EHBP1: variants seen among roughly 807,000 people sequenced by gnomAD.
EHBP1 encodes the protein EH domain-binding protein 1.
EHBP1 carries 55 observed loss-of-function variants against 144.0 expected under a neutral mutation model. The observed-to-expected ratio is 0.38, with a 90% confidence interval of 0.31 to 0.48. EHBP1 has a LOEUF of 0.48. EHBP1 is among the 20% of genes least tolerant of loss of function. The pLI, the probability that EHBP1 is intolerant of heterozygous loss-of-function variation, is 0.98. For synonymous variants in EHBP1, 469 were observed against 472.7 expected (o/e 0.99, Z 0.10); for missense variants, 1,200 against 1,364.2 (o/e 0.88, Z 1.90).
At chr2:62,891,765 C>T (rs1321189418) in intron 10 of EHBP1, among the ~76,000 whole-genome samples, 2 of 152,072 alleles carry the variant, frequency 1.3e-5, no homozygotes, top group Admixed American at 6.6e-5. Flanking sequence ...GAGGCCGTTT[C>T]ACTAGGTTTT....
intron 2 of EHBP1, among the ~76,000 whole-genome samples, chr2:62,734,713 T>A (rs1285479895): frequency 6.6e-6 from 1 of 152,182 alleles, no homozygotes; most frequent in East Asian, 1.9e-4. Flanking sequence ...CTTTGTTCTT[T>A]GTACCTTTTT....
At chr2:62,993,845 CAT>C (rs1219958100) in intron 17 of EHBP1, 24 bp from the exon 18 acceptor site, 8 of 1,493,166 alleles carry the variant, frequency 5.4e-6, no homozygotes, top group Non-Finnish European at 7.2e-6. Flanking sequence ...AATAATTTTA[CAT>C]GTCTTTCCTC....
chr2:63,028,684 T>G (rs961966282), intron 19 of EHBP1, among the ~76,000 whole-genome samples: 7 of 152,192 alleles, frequency 4.6e-5, no homozygotes, highest in Admixed American at 6.5e-5. Context: ...GGAACACATT[T>G]AAAACCTATC....
At chr2:62,884,263 C>A (rs2051725525) in intron 10 of EHBP1, among the ~76,000 whole-genome samples, 1 of 152,118 alleles carries the variant, frequency 6.6e-6, no homozygotes, top group Non-Finnish European at 1.5e-5. Flanking sequence ...AATTTTCAAA[C>A]CTTATACATG....
intron 3 of EHBP1, among the ~76,000 whole-genome samples, chr2:62,762,094 T>C (rs1252440581): frequency 6.6e-6 from 1 of 152,186 alleles, no homozygotes; most frequent in Non-Finnish European, 1.5e-5. Flanking sequence ...TCAGCCACTG[T>C]ACCTGGCCTT....
chr2:62,896,668 T>G (rs1327864041), intron 10 of EHBP1, among the ~76,000 whole-genome samples: 1 of 150,340 alleles, frequency 6.7e-6, no homozygotes, highest in Non-Finnish European at 1.5e-5. Flanking sequence ...ACAGATATAA[T>G]ATAGCCCATC....
rs142357794 is a variant in EHBP1, at chr2:62,866,465, A to G, written c.998+1494A>G. Among the ~76,000 whole-genome samples the G allele has an allele frequency of 3.7e-4, 56 of 152,374 alleles. 1 individual carries two copies. Among genetic ancestry groups the G allele is most frequent in the African/African-American group, 1.3e-3 (52 of 41,594 alleles). On this transcript the variant is annotated intron_variant, in intron 9 of 22. Coordinates refer to ENST00000431489, the MANE Select transcript of EHBP1 (RefSeq NM_001142616.3). Reference sequence around the variant, plus strand: ...ATGGGACAGATGATGGAATTAAAAGATCAACCTGGTAAAATAACTTTTATA... The same window carrying G: ...ATGGGACAGATGATGGAATTAAAAGGTCAACCTGGTAAAATAACTTTTATA...
chr2:62,996,290 T>C (rs988842639), intron 18 of EHBP1, among the ~76,000 whole-genome samples: 2 of 152,192 alleles, frequency 1.3e-5, no homozygotes, highest in African/African-American at 4.8e-5. Flanking sequence ...GGTGTTTGTT[T>C]TGATAATCAC....
intron 15 of EHBP1, chr2:62,987,803 T>C (rs2059259225): frequency 2.0e-6 from 1 of 498,756 alleles, no homozygotes; most frequent in Non-Finnish European, 3.4e-6. Flanking sequence ...ATTTCTTAAC[T>C]TGCTTATCTG....
chr2:62,822,009 G>A (rs2046019682), intron 5 of EHBP1, among the ~76,000 whole-genome samples: 1 of 152,020 alleles, frequency 6.6e-6, no homozygotes, highest in African/African-American at 2.4e-5. Flanking sequence ...ATTTTTAAAT[G>A]TAAAGTTAAA....
chr2:62,772,343 T>C (rs959823796), intron 5 of EHBP1, among the ~76,000 whole-genome samples: 4 of 152,260 alleles, frequency 2.6e-5, no homozygotes, highest in African/African-American at 7.2e-5. Context: ...CCCAAGTGAC[T>C]AGAAGGCATA....
At chr2:62,987,951 A>G (rs1478379165) in intron 15 of EHBP1, 16 of 1,592,516 alleles carry the variant, frequency 1.0e-5, no homozygotes, top group African/African-American at 1.3e-5. Flanking sequence ...TAATATTGAG[A>G]TAGATACTAA....
At chr2:62,912,660 A>C (rs1342535730) in intron 10 of EHBP1, among the ~76,000 whole-genome samples, 2 of 152,212 alleles carry the variant, frequency 1.3e-5, no homozygotes. Flanking sequence ...ATCTACAGTT[A>C]AATGTTAAAG....
At chr2:62,732,328 T>C (rs1048226494) in intron 2 of EHBP1, among the ~76,000 whole-genome samples, 11 of 152,218 alleles carry the variant, frequency 7.2e-5, no homozygotes, top group African/African-American at 2.4e-4. Flanking sequence ...ATTTCTTCTA[T>C]GCCTTTCTCT....
At chr2:62,921,136 T>C (rs1476721428) in intron 10 of EHBP1, among the ~76,000 whole-genome samples, 2 of 152,204 alleles carry the variant, frequency 1.3e-5, no homozygotes, top group Non-Finnish European at 2.9e-5. Context: ...TACAGTGTTA[T>C]AATTTTAGGA....
At chr2:62,860,018 G>GT (rs1015357690) in intron 8 of EHBP1, among the ~76,000 whole-genome samples, 3 of 152,028 alleles carry the variant, frequency 2.0e-5, no homozygotes, top group African/African-American at 7.3e-5. Flanking sequence ...TGAAAATGAG[G>GT]TTTTAGCTTC....
At chr2:62,835,983 G>C (rs1342417215) in intron 7 of EHBP1, among the ~76,000 whole-genome samples, 1 of 151,694 alleles carries the variant, frequency 6.6e-6, no homozygotes, top group Non-Finnish European at 1.5e-5. Context: ...ACTGGGTGGA[G>C]CCCACCACAG....
chr2:62,962,816 A>T (rs2058063485), intron 14 of EHBP1, among the ~76,000 whole-genome samples: 1 of 152,264 alleles, frequency 6.6e-6, no homozygotes, highest in East Asian at 1.9e-4. Flanking sequence ...TGGTTTGCAG[A>T]TAGTTGTTAG....
Position 62,782,742 on chromosome 2 carries a change from G to T in EHBP1, c.312+11350G>T, listed in dbSNP as rs144544163. Among the ~76,000 whole-genome samples the T allele has an allele frequency of 1.9e-4, 29 of 152,260 alleles. No homozygotes were observed. In the Middle Eastern group the frequency reaches 0.01, roughly 54 times the overall value. Reference sequence around the variant, plus strand: ...CTCCACCTGGTCCTACCCTTGACGTGTGGAGATTATTACAATTCAAGATAA... The same window carrying T: ...CTCCACCTGGTCCTACCCTTGACGTTTGGAGATTATTACAATTCAAGATAA... On this transcript the variant is annotated intron_variant, in intron 5 of 22. Coordinates refer to ENST00000431489, the MANE Select transcript of EHBP1 (RefSeq NM_001142616.3).
Sources: gnomAD v4.1 joint callset for allele counts (sites outside exome capture counted in the v4.1 genomes callset) on GRCh38, gnomAD v4.1.1 for gene constraint, MANE v1.5 for transcripts, NCBI Gene and HGNC (gene_info 2026-07-23, HGNC 2026-07-21) for gene names.